Variants in RIMS1 observed in about 807,000 individuals in gnomAD.
RIMS1 encodes the protein regulating synaptic membrane exocytosis 1, also known as regulating synaptic membrane exocytosis protein 1.
In RIMS1, 83 loss-of-function variants were observed where a neutral mutation model predicts 214.1. The ratio of observed to expected loss-of-function variants is 0.39; its 90% CI spans 0.32 to 0.47. RIMS1 has a LOEUF of 0.47. Ranked by LOEUF, RIMS1 falls within the 20% of genes least tolerant of loss-of-function variation. The probability of loss-of-function intolerance (pLI) is 0.99; values close to 1 mark genes in which losing one functional copy is unlikely to be tolerated. For missense variants in RIMS1, 2,050 were observed against 2,161.8 expected, an observed-to-expected ratio of 0.95 and a Z score of 1.03; for synonymous variants, 793 against 786.8, an observed-to-expected ratio of 1.01 and a Z score of -0.13.
chr6:72,369,519 T>C (rs553449352), intron 29 of RIMS1, among the ~76,000 whole-genome samples: 3 of 152,200 alleles, frequency 2.0e-5, no homozygotes, highest in Non-Finnish European at 4.4e-5. Flanking sequence ...ACTAGAGCTC[T>C]CAGGCACCGG....
intron 31 of RIMS1, 86 bp downstream of exon 31, chr6:72,392,896 A>C: frequency 3.3e-6 from 3 of 896,644 alleles, no homozygotes; most frequent in Non-Finnish European, 5.3e-6. Flanking sequence ...GTGTAATAGC[A>C]ATACAAGTGA....
intron 4 of RIMS1, among the ~76,000 whole-genome samples, chr6:72,103,864 G>C (rs1427120297): frequency 6.6e-5 from 10 of 152,030 alleles, no homozygotes; most frequent in Admixed American, 6.6e-4. Context: ...ATCTCATTGT[G>C]GTTATCATAA....
chr6:72,135,262 C>T (rs2041096765), intron 4 of RIMS1, among the ~76,000 whole-genome samples: 4 of 151,946 alleles, frequency 2.6e-5, no homozygotes, highest in Admixed American at 2.6e-4. Flanking sequence ...AAAATTATTA[C>T]AAAGATAAAA....
intron 6 of RIMS1, chr6:72,216,449 C>T: frequency 1.0e-6 from 1 of 985,408 alleles, no homozygotes; most frequent in African/African-American, 1.7e-5. Flanking sequence ...ACCAGAAAAG[C>T]CTGAAGAAGC....
chr6:72,381,833 G>C (rs1047949357), intron 29 of RIMS1, among the ~76,000 whole-genome samples: 1 of 152,088 alleles, frequency 6.6e-6, no homozygotes, highest in African/African-American at 2.4e-5. Context: ...TAAAAATAAA[G>C]GTCAATGTTC....
At chr6:72,340,743 T>C (rs530683867) in intron 29 of RIMS1, among the ~76,000 whole-genome samples, 16 of 152,212 alleles carry the variant, frequency 1.1e-4, no homozygotes, top group Admixed American at 1.0e-3. Context: ...TTCTTTTGGC[T>C]TAGGGTTGAC....
intron 29 of RIMS1, among the ~76,000 whole-genome samples, chr6:72,353,502 C>A (rs970434428): frequency 6.6e-6 from 1 of 152,140 alleles, no homozygotes; most frequent in East Asian, 1.9e-4. Flanking sequence ...CTGTTCAATA[C>A]AACATAGACT....
Position 72,179,774 on chromosome 6 carries a change from C to G in RIMS1, c.671C>G (p.Thr224Arg). Residue 224 changes from threonine to arginine, a missense_variant, in exon 5 of 34, where the codon ACA becomes AGA. Physicochemically the swap from Thr to Arg is moderately conservative, Grantham distance 71. Coordinates refer to ENST00000521978, the MANE Select transcript of RIMS1 (RefSeq NM_014989.7). ...ERSRSQTPLS[T>R]AAASSQDAAP... ...TCGCGGTCTCAGACACCCCTAAGCA[C>G]AGCAGCTGCCTCCTCCCAGGATGCT... 1 of 1,613,802 alleles carries G rather than the reference C, an allele frequency of 6.2e-7. No individual in the cohort carries two copies. Among genetic ancestry groups the G allele is most frequent in the Non-Finnish European group, 8.5e-7 (1 of 1,179,858 alleles).
intron 6 of RIMS1, among the ~76,000 whole-genome samples, chr6:72,185,703 A>G (rs559337299): frequency 1.3e-5 from 2 of 152,322 alleles, no homozygotes; most frequent in African/African-American, 4.8e-5. Flanking sequence ...ATGGTGGAAA[A>G]AGGATTGGTA....
chr6:71,948,680 T>G (rs1468358825), intron 1 of RIMS1, among the ~76,000 whole-genome samples: 1 of 152,174 alleles, frequency 6.6e-6, no homozygotes, highest in African/African-American at 2.4e-5. Flanking sequence ...TAATTATTAC[T>G]AGTAATACTA....
chr6:71,991,494 A>G (rs1396949462), intron 2 of RIMS1, among the ~76,000 whole-genome samples: 6 of 152,194 alleles, frequency 3.9e-5, no homozygotes, highest in Admixed American at 3.9e-4. Flanking sequence ...TTTAGTATTC[A>G]TTTAGTCATT....
Position 72,403,096 on chromosome 6 carries a change from G to A in RIMS1, c.*2382G>A, listed in dbSNP as rs952631627. ...CTCAGTAAGAATCAAATGGAAGGTT[G>A]TTTTCTGCTGCTGTTTGAATGTGCT... On this transcript the variant is annotated 3_prime_UTR_variant, in exon 34 of 34. Transcript: ENST00000521978. 6 of 152,284 alleles carry A rather than the reference G, an allele frequency of 3.9e-5. No homozygotes were observed. The highest frequency in any genetic ancestry group is 1.4e-4 in the African/African-American group (6 of 41,564). The allele number at this position is 152,284 out of a possible 1,614,324, so 9.4% of individuals were successfully genotyped here. A position where few individuals can be genotyped will look rare whatever the true frequency, so the allele number is the denominator to read the frequency against.
intron 4 of RIMS1, among the ~76,000 whole-genome samples, chr6:72,128,506 A>G (rs1038751578): frequency 2.0e-5 from 3 of 152,126 alleles, no homozygotes; most frequent in Non-Finnish European, 1.5e-5. Context: ...GTGTTACCAC[A>G]TTTCCCAGGA....
chr6:72,318,462 A>G (rs1210527612), intron 28 of RIMS1, among the ~76,000 whole-genome samples: 1 of 152,160 alleles, frequency 6.6e-6, no homozygotes, highest in Non-Finnish European at 1.5e-5. Flanking sequence ...AATGACTGTC[A>G]TATGCTTCGC....
rs2047396999 is a variant in RIMS1 at position 72,174,082 on chromosome 6, T to A, written c.472-5493T>A. 2.6e-5 allele frequency among the ~76,000 whole-genome samples: 4 copies of A among 152,220 alleles called. No individual in the cohort carries two copies. In the South Asian group the frequency reaches 8.3e-4, roughly 32 times the overall value. ...ATCTAACCTAGATCTTCTCATGGGTTCTGCAGAGAAAATCAACTCCGTTCT... is the reference window on the plus strand; with the variant it reads ...ATCTAACCTAGATCTTCTCATGGGTACTGCAGAGAAAATCAACTCCGTTCT... On this transcript the variant is annotated intron_variant, in intron 4 of 33. Coordinates refer to ENST00000521978, the MANE Select transcript of RIMS1 (RefSeq NM_014989.7).
chr6:72,242,380 T>C lies in RIMS1; in HGVS notation c.2024T>C (p.Ile675Thr), dbSNP rs762108313. The stretch of plus-strand genomic sequence containing the variant: ...GCTACAAATGAAGAAGTTTACAACA[T>C]TATTTTAGAATCAAAATCAGAACCT... ...PGATNEEVYNIILESKSEPQV... is the reference protein window; with the variant it reads ...PGATNEEVYNTILESKSEPQV... Residue 675 changes from isoleucine to threonine, a missense_variant, in exon 10 of 34, where the codon ATT becomes ACT. This residue lies in a region of RIMS1 where 111 missense variants were observed against 166.2 expected (regional missense o/e 0.67). Coordinates refer to ENST00000521978, the MANE Select transcript of RIMS1 (RefSeq NM_014989.7). 35 of 1,562,914 alleles carry C rather than the reference T, an allele frequency of 2.2e-5. No homozygotes were observed. Among genetic ancestry groups the C allele is most frequent in the Middle Eastern group, 1.9e-4 (1 of 5,294 alleles).
At chr6:72,015,898 G>T (rs1306602662) in intron 2 of RIMS1, among the ~76,000 whole-genome samples, 1 of 152,052 alleles carries the variant, frequency 6.6e-6, no homozygotes, top group African/African-American at 2.4e-5. Flanking sequence ...TGTACTCCAG[G>T]CTGGGTGACA....
chr6:72,153,740 A>G, intron 4 of RIMS1, among the ~76,000 whole-genome samples: 1 of 152,306 alleles, frequency 6.6e-6, no homozygotes, highest in Middle Eastern at 3.4e-3. Flanking sequence ...TGGAAGAAGA[A>G]CTAATTTGAT....
intron 2 of RIMS1, among the ~76,000 whole-genome samples, chr6:72,001,570 G>A (rs139147602): frequency 1.0e-3 from 153 of 152,132 alleles, no homozygotes; most frequent in African/African-American, 3.2e-3. Context: ...TAATGTGATC[G>A]TATTATATAA....
Sources: gnomAD v4.1 joint callset for allele counts (sites outside exome capture counted in the v4.1 genomes callset) on GRCh38, gnomAD v4.1.1 for gene constraint, gnomAD v4.1.1 regional missense constraint, MANE v1.5 for transcripts, NCBI Gene and HGNC (gene_info 2026-07-23, HGNC 2026-07-21) for gene names.